KIAA1217: variants seen among roughly 807,000 people sequenced by gnomAD.
The protein encoded by KIAA1217 is KIAA1217, also known as sickle tail protein homolog.
In KIAA1217, 88 loss-of-function variants were observed where a neutral mutation model predicts 163.9. That is an observed-to-expected ratio of 0.54 (90% CI 0.45 to 0.64). KIAA1217 has a LOEUF of 0.64. KIAA1217 is among the 30% of genes least tolerant of loss of function. KIAA1217 has a pLI of 0.00. For synonymous variants in KIAA1217, 903 were observed against 923.1 expected (o/e 0.98, Z 0.39); for missense variants, 2,372 against 2,475.0 (o/e 0.96, Z 0.88).
At chr10:24,108,136 G>T (rs2062703097) in intron 2 of KIAA1217, among the ~76,000 whole-genome samples, 1 of 152,148 alleles carries the variant, frequency 6.6e-6, no homozygotes, top group South Asian at 2.1e-4. Flanking sequence ...CCTAAGGAAG[G>T]CTATTTTATT....
chr10:23,913,040 G>A (rs1189418952), intron 1 of KIAA1217, among the ~76,000 whole-genome samples: 2 of 152,172 alleles, frequency 1.3e-5, no homozygotes, highest in Non-Finnish European at 2.9e-5. Context: ...TCTAGCAGGA[G>A]GAAAACCATG....
At chr10:24,421,451 T>C (rs991470196) in intron 3 of KIAA1217, among the ~76,000 whole-genome samples, 2 of 152,234 alleles carry the variant, frequency 1.3e-5, no homozygotes, top group East Asian at 3.8e-4. Context: ...ATTATTATAT[T>C]GTCTATGAAC....
intron 2 of KIAA1217, among the ~76,000 whole-genome samples, chr10:24,062,128 TA>T (rs2060746459): frequency 1.3e-5 from 2 of 151,964 alleles, no homozygotes; most frequent in South Asian, 4.2e-4. Flanking sequence ...TTAGTTTAGT[TA>T]ATGTATTCTT....
intron 3 of KIAA1217, among the ~76,000 whole-genome samples, chr10:24,426,861 C>T (rs1171039628): frequency 2.6e-5 from 4 of 152,048 alleles, no homozygotes; most frequent in African/African-American, 7.2e-5. Flanking sequence ...CAAAGTGGGA[C>T]GCTTCGGGAA....
chr10:24,457,813 G>A (rs1434223807), intron 5 of KIAA1217, among the ~76,000 whole-genome samples: 6 of 152,148 alleles, frequency 3.9e-5, no homozygotes, highest in African/African-American at 1.4e-4. Flanking sequence ...CGGGTAAGAA[G>A]AGCAACTAGA....
intron 3 of KIAA1217, among the ~76,000 whole-genome samples, chr10:24,416,236 T>C (rs1014088849): frequency 6.6e-6 from 1 of 152,160 alleles, no homozygotes; most frequent in Admixed American, 6.5e-5. Flanking sequence ...TATATAAACT[T>C]TGGATACCCT....
chr10:23,761,532 G>A (rs766350920), intron 1 of KIAA1217, among the ~76,000 whole-genome samples: 3 of 152,174 alleles, frequency 2.0e-5, no homozygotes, highest in Non-Finnish European at 4.4e-5. Context: ...TCAGGAGCAA[G>A]TTGTTCAATT....
At chr10:23,729,098 G>T (rs894360018) in intron 1 of KIAA1217, among the ~76,000 whole-genome samples, 2 of 152,068 alleles carry the variant, frequency 1.3e-5, no homozygotes, top group Non-Finnish European at 2.9e-5. Flanking sequence ...TGCAGTTAAG[G>T]TTTCTCCATG....
intron 2 of KIAA1217, among the ~76,000 whole-genome samples, chr10:24,016,309 T>G (rs1847476859): frequency 6.6e-6 from 1 of 152,204 alleles, no homozygotes; most frequent in Non-Finnish European, 1.5e-5. Flanking sequence ...AGTTCTTGTA[T>G]TCTTATATTT....
At chr10:24,482,992 C>G (rs1391192362) in intron 6 of KIAA1217, 2 of 151,102 alleles carry the variant, frequency 1.3e-5, no homozygotes, top group African/African-American at 4.9e-5. Flanking sequence ...TGCACTCCAG[C>G]CTGGGCAACA....
intron 2 of KIAA1217, among the ~76,000 whole-genome samples, chr10:24,361,922 G>A (rs755666272): frequency 2.7e-5 from 4 of 146,992 alleles, no homozygotes; most frequent in South Asian, 2.1e-4. Context: ...TTGCAGGTTC[G>A]GGCCACTGCA....
Position 24,281,411 on chromosome 10 carries a change from T to C in KIAA1217, c.354+61502T>C, listed in dbSNP as rs1236460919. On this transcript the variant is annotated intron_variant, in intron 2 of 20. Coordinates refer to ENST00000376454, the MANE Select transcript of KIAA1217 (RefSeq NM_019590.5). ...CAGTGTGTTTGGACAGTTTCTTTTG[T>C]CTTTTGTCTTACAGAAATAGTTTGT... Among the ~76,000 whole-genome samples, 3 of 152,322 alleles carry C rather than the reference T, an allele frequency of 2.0e-5. No homozygotes were observed. In the South Asian group the frequency reaches 6.2e-4, roughly 32 times the overall value.
At chr10:24,323,209 A>G (rs1474241188) in intron 2 of KIAA1217, among the ~76,000 whole-genome samples, 1 of 151,782 alleles carries the variant, frequency 6.6e-6, no homozygotes, top group Non-Finnish European at 1.5e-5. Flanking sequence ...TGTCACCTCA[A>G]CCTCTCAGTC....
rs373566034 is a variant in KIAA1217 at position 24,524,715 on chromosome 10, T to C, written c.2849T>C (p.Ile950Thr). 25 of 1,611,114 alleles carry C rather than the reference T, an allele frequency of 1.6e-5. No individual in the cohort carries two copies. The highest frequency in any genetic ancestry group is 2.2e-5 in the East Asian group (1 of 44,800). The change falls in exon 13 of 21, where the codon ATT becomes ACT. Residue 950 changes from isoleucine (I) to threonine (T), a missense_variant. Ile to Thr is a moderately conservative substitution (Grantham distance 89). This residue lies in a region of KIAA1217 where 1,431 missense variants were observed against 1,470.3 expected (regional missense o/e 0.97). Transcript: ENST00000376454. Reference sequence around the variant, plus strand: ...GGGTCTGCCATGCAGAGCTTGTTCATTGAAGAAATCCACAGTGTGAGTGCC... The same window carrying C: ...GGGTCTGCCATGCAGAGCTTGTTCACTGAAGAAATCCACAGTGTGAGTGCC... ...MNGSAMQSLF[I>T]EEIHSVSAKN...
At chr10:23,884,855 G>C (rs1008514883) in intron 1 of KIAA1217, among the ~76,000 whole-genome samples, 4 of 151,844 alleles carry the variant, frequency 2.6e-5, no homozygotes, top group African/African-American at 9.7e-5. Flanking sequence ...AGAGGGTCTG[G>C]CACCTGGTAA....
chr10:23,923,397 G>A (rs544627733), intron 1 of KIAA1217, among the ~76,000 whole-genome samples: 1 of 152,296 alleles, frequency 6.6e-6, no homozygotes, highest in African/African-American at 2.4e-5. Context: ...GGTGGATAAT[G>A]GCCCCTCAAA....
chr10:24,157,419 A>G, intron 2 of KIAA1217, among the ~76,000 whole-genome samples: 1 of 152,206 alleles, frequency 6.6e-6, no homozygotes, highest in Admixed American at 6.5e-5. Context: ...GTGTTTTGCA[A>G]AGAACTTCCC....
At chr10:24,066,442 C>A (rs887571058) in intron 2 of KIAA1217, among the ~76,000 whole-genome samples, 8 of 152,160 alleles carry the variant, frequency 5.3e-5, no homozygotes, top group African/African-American at 1.9e-4. Flanking sequence ...GTTGAAAATT[C>A]TTTTCTTTAA....
At chr10:23,861,420 C>T (rs1161618188) in intron 1 of KIAA1217, among the ~76,000 whole-genome samples, 2 of 152,128 alleles carry the variant, frequency 1.3e-5, no homozygotes, top group Non-Finnish European at 1.5e-5. Flanking sequence ...TGTCCATGCC[C>T]TGATTCCTGG....
Sources: gnomAD v4.1 joint callset for allele counts (sites outside exome capture counted in the v4.1 genomes callset) on GRCh38, gnomAD v4.1.1 for gene constraint, gnomAD v4.1.1 regional missense constraint, MANE v1.5 for transcripts, NCBI Gene and HGNC (gene_info 2026-07-23, HGNC 2026-07-21) for gene names.